PCDHGA1: variants seen among roughly 807,000 people sequenced by gnomAD.
PCDHGA1 encodes protocadherin gamma-A1.
Under a neutral mutation model 58.0 loss-of-function variants are expected in PCDHGA1, and 32 were observed. The observed-to-expected ratio is 0.55, with a 90% CI of 0.42 to 0.74. The LOEUF (loss-of-function observed/expected upper bound fraction) is 0.74, where lower values mean the gene tolerates loss of function less well. Among genes scored for constraint, PCDHGA1 ranks in the 30% least tolerant of loss-of-function variants. The probability of loss-of-function intolerance (pLI) is 0.00; values close to 1 mark genes in which losing one functional copy is unlikely to be tolerated. For missense variants in PCDHGA1, 1,205 were observed against 1,182.3 expected (o/e 1.02, Z -0.28); for synonymous variants, 498 against 501.1 (o/e 0.99, Z 0.08).
At chr5:141,339,518 C>A (rs991775237) in intron 1 of PCDHGA1, 12 of 1,614,084 alleles carry the variant, frequency 7.4e-6, no homozygotes, top group Non-Finnish European at 9.3e-6. Context: ...CCTGGACGTG[C>A]GAAGGGGAGC....
intron 1 of PCDHGA1, chr5:141,420,315 A>G (rs755723069): frequency 6.2e-6 from 9 of 1,440,144 alleles, no homozygotes; most frequent in Non-Finnish European, 8.4e-6. Context: ...TTATATTACA[A>G]TATGCCAATA....
intron 1 of PCDHGA1, chr5:141,409,152 T>C: frequency 6.2e-7 from 1 of 1,613,988 alleles, no homozygotes; most frequent in Non-Finnish European, 8.5e-7. Context: ...AGGTACACCA[T>C]GGAAGTGGAA....
chr5:141,430,369 A>G (rs564811230), intron 1 of PCDHGA1, among the ~76,000 whole-genome samples: 1 of 151,582 alleles, frequency 6.6e-6, no homozygotes, highest in East Asian at 1.9e-4. Flanking sequence ...ATTGGGGAAA[A>G]AAAAGCTCAT....
At chr5:141,494,223 C>T (rs1435042163) in intron 1 of PCDHGA1, among the ~76,000 whole-genome samples, 2 of 152,192 alleles carry the variant, frequency 1.3e-5, no homozygotes, top group African/African-American at 4.8e-5. Context: ...TGGCATGACT[C>T]CTAAATTAAT....
chr5:141,487,684 C>G lies in PCDHGA1; in HGVS notation c.2422-7123C>G. On this transcript the variant is annotated intron_variant, in intron 1 of 3. Coordinates refer to ENST00000517417, the MANE Select transcript of PCDHGA1 (RefSeq NM_018912.3). The surrounding 1 kb of genome is among the most constrained non-coding windows in gnomAD (Gnocchi z 5.0). ...ATCCAGGCATATGGCTAGGCCATGT[C>G]CTAGAGAGTACTGGCCTCTCAGTAA... is the stretch of plus-strand genomic sequence containing the variant. The G allele has an allele frequency of 6.2e-7, 1 of 1,607,562 alleles. No individual in the cohort carries two copies. Among genetic ancestry groups the G allele is most frequent in the East Asian group, 2.2e-5 (1 of 44,768 alleles).
intron 1 of PCDHGA1, chr5:141,350,037 G>A: frequency 2.6e-6 from 1 of 384,398 alleles, no homozygotes; most frequent in Non-Finnish European, 4.6e-6. Context: ...CAACCTCTGG[G>A]CGCCGCTGTC....
At chr5:141,467,932 TA>T (rs1391978978) in intron 1 of PCDHGA1, among the ~76,000 whole-genome samples, 4 of 152,186 alleles carry the variant, frequency 2.6e-5, no homozygotes, top group Non-Finnish European at 4.4e-5. Flanking sequence ...ATGCTAGGAT[TA>T]CAAGCATGAG....
intron 1 of PCDHGA1, among the ~76,000 whole-genome samples, chr5:141,382,009 A>G (rs1219907347): frequency 6.6e-6 from 1 of 151,376 alleles, no homozygotes; most frequent in African/African-American, 2.4e-5. Flanking sequence ...TTGTATTTTT[A>G]GTAGAGACGG....
rs2154591305 is a variant in PCDHGA1, at chr5:141,493,879, G to A, written c.2422-928G>A. Among the ~76,000 whole-genome samples the A allele has an allele frequency of 6.6e-6, 1 of 152,288 alleles. No homozygotes were observed. The highest frequency in any genetic ancestry group is 6.5e-5 in the Admixed American group (1 of 15,302). ...CCCACCCCAGAACCAGTGAGGAGGT[G>A]GCTCTAGGAGTGCTCCATGAGAGTG... On this transcript the variant is annotated intron_variant, in intron 1 of 3. Coordinates refer to ENST00000517417, the MANE Select transcript of PCDHGA1 (RefSeq NM_018912.3). This position sits in a 1 kb window ranked among gnomAD's most constrained non-coding sequence, Gnocchi z 4.3.
intron 1 of PCDHGA1, chr5:141,422,847 C>G (rs1271794821): frequency 7.4e-6 from 12 of 1,614,234 alleles, no homozygotes; most frequent in Non-Finnish European, 1.0e-5. Context: ...ACAGCGGGGA[C>G]CCGCCCCTCA....
chr5:141,349,145 A>G (rs1758240437), intron 1 of PCDHGA1, among the ~76,000 whole-genome samples: 1 of 152,188 alleles, frequency 6.6e-6, no homozygotes, highest in Non-Finnish European at 1.5e-5. Flanking sequence ...ATCTCAACTC[A>G]CTGCAACCTC....
chr5:141,351,430 A>T, intron 1 of PCDHGA1: 1 of 1,612,126 alleles, frequency 6.2e-7, no homozygotes, highest in East Asian at 2.2e-5. Context: ...CTTTCAAATT[A>T]GAATCCACCT....
chr5:141,432,918 A>C lies in PCDHGA1; in HGVS notation c.2422-61889A>C. ...CTGGCGCTCAGGCTGCGGCGCTGGC[A>C]CAAGTCACGCCTGCTGCAGGCTTCA... On this transcript the variant is annotated intron_variant, in intron 1 of 3. Coordinates refer to ENST00000517417, the MANE Select transcript of PCDHGA1 (RefSeq NM_018912.3). This position sits in a 1 kb window ranked among gnomAD's most constrained non-coding sequence, Gnocchi z 6.0. 1 of 1,614,128 alleles carries C rather than the reference A, an allele frequency of 6.2e-7. No homozygotes were observed. Among genetic ancestry groups the C allele is most frequent in the South Asian group, 1.1e-5 (1 of 91,082 alleles).
At chr5:141,423,277 A>G (rs749771302) in intron 1 of PCDHGA1, 4 of 1,613,988 alleles carry the variant, frequency 2.5e-6, no homozygotes, top group Non-Finnish European at 8.5e-7. Flanking sequence ...GTCTCTGGCT[A>G]ACTCTGAAAC....
intron 1 of PCDHGA1, chr5:141,420,319 G>A (rs1393746531): frequency 7.0e-7 from 1 of 1,437,540 alleles, no homozygotes; most frequent in Non-Finnish European, 9.4e-7. Flanking sequence ...ATTACAATAT[G>A]CCAATATATT....
At chr5:141,344,482 C>T (rs1435055350) in intron 1 of PCDHGA1, 9 of 1,613,784 alleles carry the variant, frequency 5.6e-6, no homozygotes, top group Non-Finnish European at 7.6e-6. Context: ...GTTCCTGGAA[C>T]CCGATTTCCA....
chr5:141,354,181 A>C (rs1759487714), intron 1 of PCDHGA1, among the ~76,000 whole-genome samples: 1 of 152,174 alleles, frequency 6.6e-6, no homozygotes, highest in Non-Finnish European at 1.5e-5. Flanking sequence ...TATTATCTGC[A>C]CTTTATAGTT....
intron 1 of PCDHGA1, chr5:141,384,679 G>T: frequency 6.2e-7 from 1 of 1,614,216 alleles, no homozygotes; most frequent in Non-Finnish European, 8.5e-7. Context: ...GGTGGTGGCG[G>T]TGGACAAAGA....
chr5:141,383,872 C>T, intron 1 of PCDHGA1: 1 of 1,613,908 alleles, frequency 6.2e-7, no homozygotes, highest in Non-Finnish European at 8.5e-7. Flanking sequence ...TCAAGATGGT[C>T]CTGGTAGTCT....
Sources: allele counts gnomAD v4.1 joint callset (sites outside exome capture counted in the v4.1 genomes callset), GRCh38; gene constraint gnomAD v4.1.1; non-coding constraint Gnocchi (gnomAD v3.1); transcripts MANE v1.5; gene names NCBI Gene and HGNC (gene_info 2026-07-23, HGNC 2026-07-21).